Variants in PLEKHA6 observed in about 807,000 individuals in gnomAD.
PLEKHA6 encodes pleckstrin homology domain containing A6.
A neutral mutation model predicts 116.7 loss-of-function variants in PLEKHA6; 60 were observed. That is an observed-to-expected ratio of 0.51 (90% confidence interval 0.42 to 0.64). The LOEUF (loss-of-function observed/expected upper bound fraction) is 0.64. PLEKHA6 is among the 30% of genes least tolerant of loss of function. The probability of loss-of-function intolerance (pLI) is 0.00; values close to 1 mark genes in which losing one functional copy is unlikely to be tolerated. For synonymous variants in PLEKHA6, 489 were observed against 556.1 expected (o/e 0.88, Z 1.70); for missense variants, 1,338 against 1,422.7 (o/e 0.94, Z 0.96).
At chr1:204,313,511 G>C (rs1671741420) in intron 1 of PLEKHA6, 2 of 953,606 alleles carry the variant, frequency 2.1e-6, no homozygotes, top group Non-Finnish European at 2.5e-6. Flanking sequence ...CAGGAGTTCA[G>C]AGCTCACACA....
rs374976395 is a variant in PLEKHA6, at chr1:204,249,181, C to T, written c.1674+3G>A. 228 of 1,610,766 alleles carry T rather than the reference C, an allele frequency of 1.4e-4. No individual in the cohort carries two copies. Among genetic ancestry groups the T allele is most frequent in the Non-Finnish European group, 1.8e-4 (216 of 1,177,570 alleles). On this transcript the variant is annotated splice_donor_region_variant and intron_variant, in intron 11 of 22. Transcript: ENST00000272203. ...CAGCTTAAAGCCACCCCCAGCTTCT[C>T]ACCTTCTCAGCTCGGAGCTGCTGCA...
In PLEKHA6 at chr1:204,261,614, C is replaced by A; in HGVS notation, c.382-166G>T. On this transcript the variant is annotated intron_variant, in intron 6 of 22. Coordinates refer to ENST00000272203, the MANE Select transcript of PLEKHA6 (RefSeq NM_014935.5). This position sits in a 1 kb window ranked among gnomAD's most constrained non-coding sequence, Gnocchi z 4.0. ...GAGCTCAGGAGCAAGGTGAAGAGGG[C>A]AGCTTGCAGCTACCCCGAGGGTTCC... 1.4e-6 allele frequency: 1 copy of A among 708,946 alleles called. No homozygotes were observed. The highest frequency in any genetic ancestry group is 2.3e-6 in the Non-Finnish European group (1 of 433,218). The allele number at this position is 708,946 out of a possible 1,614,324, so 43.9% of individuals were successfully genotyped here.
At chr1:204,301,501 T>TC in intron 1 of PLEKHA6, 6 of 984,772 alleles carry the variant, frequency 6.1e-6, no homozygotes, top group Non-Finnish European at 7.2e-6. Context: ...GCCACCCAAG[T>TC]CCCCACCTCA....
intron 1 of PLEKHA6, among the ~76,000 whole-genome samples, chr1:204,306,813 C>A (rs1327833104): frequency 6.6e-6 from 1 of 152,094 alleles, no homozygotes; most frequent in African/African-American, 2.4e-5. Context: ...TGAACCTGTA[C>A]ATGTACACCA....
intron 1 of PLEKHA6, among the ~76,000 whole-genome samples, chr1:204,305,637 A>T (rs758038304): frequency 3.9e-5 from 6 of 152,226 alleles, no homozygotes; most frequent in Admixed American, 1.3e-4. Flanking sequence ...AGCACTGTAC[A>T]ATTGAACAAA....
chr1:204,329,888 CA>C (rs35574473), intron 1 of PLEKHA6, among the ~76,000 whole-genome samples: 3,331 of 118,276 alleles, frequency 0.028, 84 homozygotes, highest in African/African-American at 0.095. Context: ...GACCCTGTCT[CA>C]AAAAAAAAAA....
rs974367322 is a variant in PLEKHA6 at position 204,238,018 on chromosome 1, C to T, written c.2409+3357G>A. 5.3e-5 allele frequency among the ~76,000 whole-genome samples: 8 copies of T among 152,152 alleles called. No individual in the cohort carries two copies. Among genetic ancestry groups the T allele is most frequent in the African/African-American group, 9.7e-5 (4 of 41,436 alleles). ...GCCTGTTGAGATATTCCTTCTAAGG[C>T]GAAGGATATGTTGCTGCATTTGGCC... On this transcript the variant is annotated intron_variant, in intron 17 of 22. Coordinates refer to ENST00000272203, the MANE Select transcript of PLEKHA6 (RefSeq NM_014935.5). This position sits in a 1 kb window ranked among gnomAD's most constrained non-coding sequence, Gnocchi z 4.2.
chr1:204,364,999 A>G (rs1366996862), intron 3 of PLEKHA6, among the ~76,000 whole-genome samples: 1 of 152,188 alleles, frequency 6.6e-6, no homozygotes, highest in Non-Finnish European at 1.5e-5. Context: ...GGCTTGAAGG[A>G]AGAACAAGTG....
chr1:204,368,368 G>A (rs2103408320), intron 2 of PLEKHA6: 1 of 152,278 alleles, frequency 6.6e-6, no homozygotes, highest in East Asian at 1.9e-4. Flanking sequence ...ATCAGGCTGT[G>A]CTCTTTCTGG....
At chr1:204,302,711 T>C (rs1001862129) in intron 1 of PLEKHA6, among the ~76,000 whole-genome samples, 5 of 152,106 alleles carry the variant, frequency 3.3e-5, no homozygotes, top group African/African-American at 1.2e-4. Flanking sequence ...ACCCCATCTC[T>C]ACTAAAAATA....
intron 1 of PLEKHA6, chr1:204,301,308 G>A: frequency 1.0e-6 from 1 of 956,640 alleles, no homozygotes; most frequent in Non-Finnish European, 1.2e-6. Context: ...AGAGTCTCTG[G>A]GTTCCTGCAG....
intron 1 of PLEKHA6, chr1:204,297,292 A>G: frequency 1.3e-6 from 1 of 760,366 alleles, no homozygotes; most frequent in Non-Finnish European, 1.6e-6. Flanking sequence ...TCTTGTTGGA[A>G]AGTCTCAAGA....
At chr1:204,311,652 A>AAC (rs147343308) in intron 1 of PLEKHA6, 238,249 of 972,550 alleles carry the variant, frequency 0.24, 29,930 homozygotes, top group South Asian at 0.28. Context: ...AGGGTTTTTA[A>AAC]ACACAAAATC....
rs1362163843 is a variant in PLEKHA6, at chr1:204,268,356, C to T, written c.103-44G>A. ...GCTGATCTAGGTCCCCAGTCTCCTC[C>T]TTCCTGCTTTATCTGCAAGGGAGCC... On this transcript the variant is annotated intron_variant, in intron 3 of 22. Transcript: ENST00000272203. The T allele has an allele frequency of 2.1e-6, 3 of 1,412,098 alleles. No individual in the cohort carries two copies. In the Admixed American group the frequency reaches 6.0e-5, roughly 28 times the overall value. 87.5% of individuals were successfully genotyped at this position (1,412,098 alleles called of 1,614,324 possible).
chr1:204,349,548 A>C (rs1414584522), intron 1 of PLEKHA6, among the ~76,000 whole-genome samples: 2 of 151,646 alleles, frequency 1.3e-5, no homozygotes, highest in African/African-American at 4.8e-5. Flanking sequence ...CTCAAAAAAA[A>C]AAAAAAAAAA....
At chr1:204,356,717 C>T (rs1033621945) in intron 1 of PLEKHA6, among the ~76,000 whole-genome samples, 3 of 152,210 alleles carry the variant, frequency 2.0e-5, no homozygotes, top group East Asian at 3.9e-4. Flanking sequence ...GACATACACT[C>T]ATGCATGAAT....
intron 6 of PLEKHA6, among the ~76,000 whole-genome samples, chr1:204,264,689 C>A (rs905096897): frequency 2.0e-5 from 3 of 152,196 alleles, no homozygotes; most frequent in African/African-American, 7.2e-5. Context: ...CTGGCCCACT[C>A]TTAGGAGAAT....
chr1:204,298,587 G>A (rs1485359257), intron 1 of PLEKHA6, among the ~76,000 whole-genome samples: 1 of 152,164 alleles, frequency 6.6e-6, no homozygotes, highest in African/African-American at 2.4e-5. Context: ...CAGGAGAAGA[G>A]CCAAGCGAGA....
intron 1 of PLEKHA6, among the ~76,000 whole-genome samples, chr1:204,334,882 A>AAC (rs1415180203): frequency 6.6e-6 from 1 of 152,164 alleles, no homozygotes; most frequent in African/African-American, 2.4e-5. Flanking sequence ...TGGGTGACAG[A>AAC]ACAAGGCTCT....
Sources: allele counts gnomAD v4.1 joint callset (sites outside exome capture counted in the v4.1 genomes callset), GRCh38; gene constraint gnomAD v4.1.1; non-coding constraint Gnocchi (gnomAD v3.1); transcripts MANE v1.5; gene names NCBI Gene and HGNC (gene_info 2026-07-23, HGNC 2026-07-21).